The following SCN7A variants were observed in gnomAD, a reference collection of about 807,000 sequenced individuals.
The protein encoded by SCN7A is sodium voltage-gated channel alpha subunit 7, also known as sodium channel protein type 7 subunit alpha.
SCN7A carries 138 observed loss-of-function variants against 155.2 expected under a neutral mutation model. The observed-to-expected ratio is 0.89, with a 90% confidence interval of 0.77 to 1.02. The LOEUF is 1.02. Among genes scored for constraint, SCN7A ranks in the 50% least tolerant of loss-of-function variants. SCN7A has a pLI of 0.00. For synonymous variants in SCN7A, 693 were observed against 649.0 expected (o/e 1.07, Z -1.03); for missense variants, 2,058 against 1,986.6 (o/e 1.04, Z -0.68).
chr2:166,452,167 A>AT (rs1314900871), intron 11 of SCN7A, among the ~76,000 whole-genome samples: 4 of 151,866 alleles, frequency 2.6e-5, no homozygotes, highest in Non-Finnish European at 5.9e-5. Context: ...ATTTTAATTT[A>AT]TTTTTTCCAA....
chr2:166,476,412 A>G (rs1702798736), intron 3 of SCN7A, among the ~76,000 whole-genome samples: 1 of 151,940 alleles, frequency 6.6e-6, no homozygotes, highest in Admixed American at 6.6e-5. Context: ...CCTCCCTCGA[A>G]TTTGATATTC....
At chr2:166,491,450 G>T (rs1189263632) in intron 1 of SCN7A, among the ~76,000 whole-genome samples, 1 of 152,102 alleles carries the variant, frequency 6.6e-6, no homozygotes, top group Non-Finnish European at 1.5e-5. Flanking sequence ...ATAAGAAGAT[G>T]GCGCCTCATT....
At chr2:166,426,898 G>A (rs1701636658) in intron 18 of SCN7A, among the ~76,000 whole-genome samples, 1 of 152,052 alleles carries the variant, frequency 6.6e-6, no homozygotes. Context: ...GCAAAGTCCA[G>A]TTCACAACCA....
At chr2:166,453,300 T>C (rs751510802) in intron 11 of SCN7A, among the ~76,000 whole-genome samples, 2 of 152,188 alleles carry the variant, frequency 1.3e-5, no homozygotes, top group Non-Finnish European at 2.9e-5. Flanking sequence ...TGTTGCATGA[T>C]ATTAATGTTA....
chr2:166,478,872 A>G (rs988058357), intron 2 of SCN7A, among the ~76,000 whole-genome samples: 5 of 152,010 alleles, frequency 3.3e-5, no homozygotes, highest in African/African-American at 1.2e-4. Flanking sequence ...AATTTCATGC[A>G]TCAATTCCCC....
chr2:166,445,995 A>C (rs766757893), intron 12 of SCN7A, among the ~76,000 whole-genome samples: 1 of 152,188 alleles, frequency 6.6e-6, no homozygotes, highest in Non-Finnish European at 1.5e-5. Context: ...AAACACCAAA[A>C]GCAATGACAA....
chr2:166,488,114 C>G (rs1703092549), intron 1 of SCN7A, among the ~76,000 whole-genome samples: 1 of 152,160 alleles, frequency 6.6e-6, no homozygotes, highest in South Asian at 2.1e-4. Flanking sequence ...ATGTAGGACT[C>G]ATACCTGCTG....
At chr2:166,463,080 G>T (rs1702450254) in intron 9 of SCN7A, among the ~76,000 whole-genome samples, 1 of 152,156 alleles carries the variant, frequency 6.6e-6, no homozygotes, top group Admixed American at 6.5e-5. Flanking sequence ...CAACTGCAAT[G>T]GTTGAGGGTA....
At chr2:166,428,903 A>G (rs929627936) in intron 17 of SCN7A, among the ~76,000 whole-genome samples, 2 of 152,052 alleles carry the variant, frequency 1.3e-5, no homozygotes, top group Non-Finnish European at 2.9e-5. Context: ...ATACACATGC[A>G]CACATATACC....
Position 166,443,565 on chromosome 2 carries a change from C to A in SCN7A, c.1738G>T (p.Gly580Cys). 6.3e-7 allele frequency: 1 copy of A among 1,593,616 alleles called. No individual in the cohort carries two copies. The highest frequency in any genetic ancestry group is 8.6e-7 in the Non-Finnish European group (1 of 1,169,538). Residue 580 changes from glycine to cysteine, a missense_variant, in exon 14 of 26, where the codon GGT becomes TGT. By Grantham distance (159) the Gly-to-Cys change is radical. Transcript: ENST00000643258. Reference protein sequence around the residue: ...NIFDSMIVFHGLIELCLANVA... With the variant: ...NIFDSMIVFHCLIELCLANVA... The stretch of plus-strand genomic sequence containing the variant: ...TTTGCTAGACAAAGTTCTATTAAAC[C>A]ATGGAACACTATCATGCTATCAAAA...
intron 15 of SCN7A, 120 bp downstream of exon 15, chr2:166,441,276 G>A (rs776013710): frequency 1.5e-5 from 10 of 646,240 alleles, no homozygotes; most frequent in African/African-American, 3.7e-5. Context: ...TCTGGCTAGT[G>A]GGTTACTCTA....
At chr2:166,414,462 G>GATATATATATATATATATATAT (rs373659814) in intron 21 of SCN7A, 28 of 118,164 alleles carry the variant, frequency 2.4e-4, no homozygotes, top group African/African-American at 9.2e-4. Context: ...GAACTAATAG[G>GATATATATATATATATATATAT]ATATATATAT....
rs148353119 is a variant in SCN7A, at chr2:166,493,185, A to C, written c.-128+783T>G. On this transcript the variant is annotated intron_variant, in intron 1 of 25. Transcript: ENST00000643258. Reference sequence around the variant, plus strand: ...ACAGCAGTGGGGTAAAGTATCCACAAGAAGCACCACCCAAACTCTTTCCCA... The same window carrying C: ...ACAGCAGTGGGGTAAAGTATCCACACGAAGCACCACCCAAACTCTTTCCCA... Among the ~76,000 whole-genome samples, 302 of 152,264 alleles carry C rather than the reference A, an allele frequency of 2.0e-3. 4 individuals carry two copies. The highest frequency in any genetic ancestry group is 0.015 in the Admixed American group (230 of 15,296).
rs1166524752 is a variant in SCN7A at position 166,475,100 on chromosome 2, ATATG to A, written c.235-760_235-757del. Among the ~76,000 whole-genome samples the A allele has an allele frequency of 2.7e-4, 29 of 108,684 alleles. 1 individual carries two copies. Among genetic ancestry groups the A allele is most frequent in the African/African-American group, 1.1e-3 (27 of 23,966 alleles). 71.3% of individuals were successfully genotyped at this position (108,684 alleles called of 152,430 possible). Reference sequence around the variant, plus strand: ...TTTGTGTATATATATATACACATATATATGTATATATATATATATACATATATAT... The same window carrying A: ...TTTGTGTATATATATATACACATATATATATATATATATATACATATATAT... On this transcript the variant is annotated intron_variant, in intron 3 of 25. Transcript: ENST00000643258.
At chr2:166,480,202 A>T (rs1350873101) in intron 2 of SCN7A, among the ~76,000 whole-genome samples, 1 of 152,202 alleles carries the variant, frequency 6.6e-6, no homozygotes, top group East Asian at 1.9e-4. Context: ...TCATGCCTGT[A>T]ATCCCAGCAC....
chr2:166,443,412 T>A (rs1022651760), intron 14 of SCN7A, 91 bp downstream of exon 14: 1 of 1,040,092 alleles, frequency 9.6e-7, no homozygotes, highest in Non-Finnish European at 1.4e-6. Flanking sequence ...AATGTCCCAA[T>A]GGGATAGGTA....
intron 2 of SCN7A, among the ~76,000 whole-genome samples, chr2:166,481,833 T>C (rs1460412206): frequency 1.3e-5 from 2 of 152,214 alleles, no homozygotes; most frequent in African/African-American, 4.8e-5. Flanking sequence ...CGAATGGTTC[T>C]AATGTGGAAG....
At chr2:166,476,317 G>C (rs1702796179) in intron 3 of SCN7A, among the ~76,000 whole-genome samples, 1 of 151,714 alleles carries the variant, frequency 6.6e-6, no homozygotes. Flanking sequence ...AGAGAATGTG[G>C]TGCAATTCCT....
chr2:166,424,085 A>T (rs559549178), intron 18 of SCN7A, among the ~76,000 whole-genome samples: 1 of 152,244 alleles, frequency 6.6e-6, no homozygotes, highest in Non-Finnish European at 1.5e-5. Context: ...GACAAAAAGC[A>T]AGCAAGGATT....
Sources: gnomAD v4.1 joint callset for allele counts (sites outside exome capture counted in the v4.1 genomes callset) on GRCh38, gnomAD v4.1.1 for gene constraint, MANE v1.5 for transcripts, NCBI Gene and HGNC (gene_info 2026-07-23, HGNC 2026-07-21) for gene names.